The following SHISA9 variants were observed in gnomAD, a reference collection of about 807,000 sequenced individuals.
The protein encoded by SHISA9 is shisa family member 9, also known as protein shisa-9.
Under a neutral mutation model 38.0 loss-of-function variants are expected in SHISA9, and 13 were observed. That is an observed-to-expected ratio of 0.34 (90% CI 0.22 to 0.54). The LOEUF (loss-of-function observed/expected upper bound fraction) is 0.54, where lower values mean the gene tolerates loss of function less well. SHISA9 is among the 20% of genes least tolerant of loss of function. The pLI, the probability that SHISA9 is intolerant of heterozygous loss-of-function variation, is 0.91. For synonymous variants in SHISA9, 275 were observed against 242.0 expected (o/e 1.14, Z -1.27); for missense variants, 538 against 575.8 (o/e 0.93, Z 0.67).
intron 2 of SHISA9, among the ~76,000 whole-genome samples, chr16:13,106,325 A>G (rs2073924870): frequency 1.3e-5 from 2 of 152,178 alleles, no homozygotes; most frequent in Non-Finnish European, 2.9e-5. Flanking sequence ...GATGTACAGT[A>G]GCAAATTTGG....
chr16:13,147,546 C>G (rs1243444481), intron 2 of SHISA9, among the ~76,000 whole-genome samples: 2 of 148,656 alleles, frequency 1.3e-5, no homozygotes, highest in African/African-American at 2.5e-5. Context: ...TCACTGCAAC[C>G]TCCGCCTGCA....
At chr16:13,466,925 C>A in the SHISA9 span, among the ~76,000 whole-genome samples, 1 of 152,120 alleles carries the variant, frequency 6.6e-6, no homozygotes, top group East Asian at 1.9e-4. Flanking sequence ...AACTTTACCT[C>A]CTCTTCTGGG....
rs144408462 is a variant in SHISA9, at chr16:13,075,800, C to T, written c.692-127594C>T. ...GATCACACAGCTGGTAAGACAGAAG[C>T]AGGATGTGTCTAACTCAGTGTTTCT... On this transcript the variant is annotated intron_variant, in intron 2 of 4. Coordinates refer to ENST00000558583, the MANE Select transcript of SHISA9 (RefSeq NM_001145204.3). 1.8e-3 allele frequency among the ~76,000 whole-genome samples: 281 copies of T among 152,238 alleles called. 1 individual carries two copies. The highest frequency in any genetic ancestry group is 6.5e-3 in the African/African-American group (270 of 41,540).
chr16:12,925,975 C>T (rs1298321378), intron 2 of SHISA9, among the ~76,000 whole-genome samples: 3 of 152,134 alleles, frequency 2.0e-5, no homozygotes, highest in Non-Finnish European at 4.4e-5. Flanking sequence ...ATCCACCTGC[C>T]TCGGCCTCCC....
At chr16:13,034,839 C>G (rs951704119) in intron 2 of SHISA9, among the ~76,000 whole-genome samples, 4 of 152,112 alleles carry the variant, frequency 2.6e-5, no homozygotes, top group African/African-American at 9.7e-5. Context: ...TGAAACAGAC[C>G]CAGGTCATTC....
the SHISA9 span, among the ~76,000 whole-genome samples, chr16:13,399,120 T>C: frequency 6.6e-6 from 1 of 151,990 alleles, no homozygotes; most frequent in Non-Finnish European, 1.5e-5. Context: ...CCAGGCTTGG[T>C]GGTGCGTACC....
chr16:13,413,021 G>C, the SHISA9 span, among the ~76,000 whole-genome samples: 1 of 152,156 alleles, frequency 6.6e-6, no homozygotes, highest in South Asian at 2.1e-4. Flanking sequence ...TGGTATAACA[G>C]AATTACACAA....
the SHISA9 span, chr16:13,350,207 T>C: frequency 2.0e-5 from 3 of 152,262 alleles, no homozygotes; most frequent in Non-Finnish European, 2.9e-5. Context: ...TCTCCTGCCT[T>C]TGGACATCAG....
At position 13,015,155 on chromosome 16, in the gene SHISA9, C is replaced by T. The variant is rs118124195; in HGVS notation, c.691+98340C>T. ...AGCCTATGGGCCAAATCTGGCCTGCCGCCTGTTTTATTTTTACTGGAATGC... is the reference window on the plus strand; with the variant it reads ...AGCCTATGGGCCAAATCTGGCCTGCTGCCTGTTTTATTTTTACTGGAATGC... On this transcript the variant is annotated intron_variant, in intron 2 of 4. Transcript: ENST00000558583. Among the ~76,000 whole-genome samples, 1,005 of 152,244 alleles carry T rather than the reference C, an allele frequency of 6.6e-3. 7 individuals are homozygous for T. Among genetic ancestry groups the T allele is most frequent in the Middle Eastern group, 0.02 (6 of 294 alleles).
At chr16:13,258,968 A>T in the SHISA9 span, among the ~76,000 whole-genome samples, 12 of 152,268 alleles carry the variant, frequency 7.9e-5, no homozygotes, top group Admixed American at 2.0e-4. Context: ...ATGCCTTCCC[A>T]ACAGTTCCCC....
chr16:13,184,427 T>C (rs2050802945), intron 2 of SHISA9, among the ~76,000 whole-genome samples: 1 of 152,254 alleles, frequency 6.6e-6, no homozygotes. Context: ...TCTACGTTTC[T>C]AAGTAGGGTG....
chr16:13,225,986 C>T (rs1433869703), intron 4 of SHISA9, among the ~76,000 whole-genome samples: 1 of 152,192 alleles, frequency 6.6e-6, no homozygotes, highest in African/African-American at 2.4e-5. Flanking sequence ...ACATCTGTTT[C>T]CTGGTCAGTT....
At chr16:13,007,984 C>A (rs1206115909) in intron 2 of SHISA9, among the ~76,000 whole-genome samples, 11 of 152,146 alleles carry the variant, frequency 7.2e-5, no homozygotes, top group Non-Finnish European at 1.3e-4. Flanking sequence ...TCTCCTACAC[C>A]AGCTGCAGGC....
At chr16:13,528,794 A>G in the SHISA9 span, among the ~76,000 whole-genome samples, 3 of 152,230 alleles carry the variant, frequency 2.0e-5, no homozygotes, top group Non-Finnish European at 1.5e-5. Flanking sequence ...GTGCCTACGT[A>G]GTGTCTAGCA....
chr16:13,089,715 G>A (rs2073753272), intron 2 of SHISA9, among the ~76,000 whole-genome samples: 1 of 151,996 alleles, frequency 6.6e-6, no homozygotes, highest in Admixed American at 6.6e-5. Flanking sequence ...AGTCTTGCTA[G>A]TGGTCTATCA....
intron 2 of SHISA9, among the ~76,000 whole-genome samples, chr16:13,175,016 A>G (rs1172522846): frequency 6.6e-6 from 1 of 152,198 alleles, no homozygotes; most frequent in Admixed American, 6.5e-5. Flanking sequence ...TCTCAGCTTC[A>G]GTCCCAGAGC....
intron 2 of SHISA9, among the ~76,000 whole-genome samples, chr16:13,132,272 G>A (rs760867857): frequency 5.9e-5 from 9 of 152,210 alleles, no homozygotes; most frequent in Non-Finnish European, 1.0e-4. Context: ...GAAGACTGTC[G>A]GATGAGAATG....
At chr16:13,191,074 C>CCTTG (rs1413341886) in intron 2 of SHISA9, among the ~76,000 whole-genome samples, 3 of 151,958 alleles carry the variant, frequency 2.0e-5, no homozygotes, top group Non-Finnish European at 2.9e-5. Flanking sequence ...CTTCTTTTTT[C>CCTTG]CTTGCTTGTG....
the SHISA9 span, among the ~76,000 whole-genome samples, chr16:13,327,168 G>A: frequency 1.3e-5 from 2 of 152,166 alleles, no homozygotes; most frequent in Admixed American, 6.5e-5. Flanking sequence ...AACGTACCAA[G>A]CCAGAGTCCT....
Sources: allele counts gnomAD v4.1 joint callset (sites outside exome capture counted in the v4.1 genomes callset), GRCh38; gene constraint gnomAD v4.1.1; transcripts MANE v1.5; gene names NCBI Gene and HGNC (gene_info 2026-07-23, HGNC 2026-07-21).